DYNC1H1: variants seen among roughly 807,000 people sequenced by gnomAD.
DYNC1H1 encodes the protein cytoplasmic dynein 1 heavy chain 1.
Under a neutral mutation model 527.1 loss-of-function variants are expected in DYNC1H1, and 51 were observed. The ratio of observed to expected loss-of-function variants is 0.10; its 90% CI spans 0.08 to 0.12. DYNC1H1 has a LOEUF of 0.12. Among genes scored for constraint, DYNC1H1 ranks in the 10% least tolerant of loss-of-function variants. DYNC1H1 has a pLI of 1.00. For synonymous variants in DYNC1H1, 2,189 were observed against 2,278.8 expected (o/e 0.96, Z 1.12); for missense variants, 2,771 against 5,971.8 (o/e 0.46, Z 17.66).
Position 101,983,672 on chromosome 14 carries a change from GT to G in DYNC1H1, c.1461+73del, listed in dbSNP as rs368383689. 1.9e-3 allele frequency: 2,516 copies of G among 1,321,942 alleles called. No homozygotes were observed. The highest frequency in any genetic ancestry group is 2.2e-3 in the Admixed American group (99 of 45,028). 81.9% of individuals were successfully genotyped at this position (1,321,942 alleles called of 1,614,324 possible). ...GTTTTTGTTTTGTTTTTTGTTTGGT[GT>G]TTTTTTTTTGTTGTTGTTGTTGAGA... On this transcript the variant is annotated intron_variant, in intron 7 of 77. Transcript: ENST00000360184. This position sits in a 1 kb window ranked among gnomAD's most constrained non-coding sequence, Gnocchi z 5.3.
rs1048213824 is a variant in DYNC1H1, at chr14:102,043,818, G to C, written c.12514-57G>C. On this transcript the variant is annotated intron_variant, in intron 69 of 77. Transcript: ENST00000360184. ...CTTTGACTGACCTGGCATCTGCACT[G>C]TTCTTGGCGAAGTGCTGTTTTCTAA... 10 of 1,612,876 alleles carry C rather than the reference G, an allele frequency of 6.2e-6. No homozygotes were observed. In the African/African-American group the frequency reaches 8.0e-5, roughly 13 times the overall value.
Position 101,979,126 on chromosome 14 carries a change from G to A in DYNC1H1, c.345-193G>A, listed in dbSNP as rs2047834100. Among the ~76,000 whole-genome samples, 1 of 152,172 alleles carries A rather than the reference G, an allele frequency of 6.6e-6. No individual in the cohort carries two copies. The highest frequency in any genetic ancestry group is 1.5e-5 in the Non-Finnish European group (1 of 68,034). On this transcript the variant is annotated intron_variant, in intron 2 of 77. Transcript: ENST00000360184. This position sits in a 1 kb window ranked among gnomAD's most constrained non-coding sequence, Gnocchi z 4.6. ...CCCATGTATGAGACAAGTTAACTTT[G>A]CCTGGTTTCATGTTTGTTCACATTC...
intron 29 of DYNC1H1, 37 bp from the exon 30 acceptor site, chr14:102,009,806 A>G (rs1238886284): frequency 6.3e-7 from 1 of 1,596,766 alleles, no homozygotes; most frequent in Admixed American, 1.8e-5. Flanking sequence ...TTTTTTTTTT[A>G]ACATTTCTAG....
rs759795800 is a variant in DYNC1H1 at position 101,978,614 on chromosome 14, A to G, written c.345-705A>G. On this transcript the variant is annotated intron_variant, in intron 2 of 77. Coordinates refer to ENST00000360184, the MANE Select transcript of DYNC1H1 (RefSeq NM_001376.5). ...AGTAGGTATATAGAGTAGTACACAA[A>G]GAAATAAAACCTGCTTCCTGTTCCC... 2.0e-5 allele frequency among the ~76,000 whole-genome samples: 3 copies of G among 152,236 alleles called. No homozygotes were observed. In the East Asian group the frequency reaches 5.8e-4, roughly 29 times the overall value.
At chr14:101,970,750 TG>T (rs1388546109) in intron 1 of DYNC1H1, among the ~76,000 whole-genome samples, 1 of 152,154 alleles carries the variant, frequency 6.6e-6, no homozygotes, top group Non-Finnish European at 1.5e-5. Flanking sequence ...CCCAAAGTGC[TG>T]GGACTGCAGG....
chr14:102,034,181 A>G lies in DYNC1H1; in HGVS notation c.10619A>G (p.Asn3540Ser), dbSNP rs1366727912. 2.5e-6 allele frequency: 4 copies of G among 1,614,082 alleles called. No homozygotes were observed. The highest frequency in any genetic ancestry group is 1.3e-5 in the African/African-American group (1 of 74,942). ...TGGTCCCATCACCTACAGCAAGCCAACATCCAGGTGAGAATCACGGGGAGT... is the reference window on the plus strand; with the variant it reads ...TGGTCCCATCACCTACAGCAAGCCAGCATCCAGGTGAGAATCACGGGGAGT... ...TTWSHHLQQA[N>S]IQFRTDIART... The change falls in exon 55 of 78, where the codon AAC (asparagine) becomes AGC (serine). Residue 3540 changes from asparagine (N) to serine (S), a missense_variant. Asn to Ser is a conservative substitution (Grantham distance 46). Coordinates refer to ENST00000360184, the MANE Select transcript of DYNC1H1 (RefSeq NM_001376.5).
In DYNC1H1 at chr14:102,034,019, G is replaced by A. The variant is rs755588046; in HGVS notation, c.10457G>A (p.Arg3486His). ...CTTCTGAAGAGCTTGTCTGCTGAAC[G>A]TGAACGATGGGAAAAAACAAGTGAA... ...TALLKSLSAE[R>H]ERWEKTSETF... The change falls in exon 55 of 78, where the codon CGT becomes CAT. Residue 3486 changes from arginine (R) to histidine (H), a missense_variant. Around this residue, in one of 32 missense-constraint regions of DYNC1H1, gnomAD observed 283 missense variants for 737.6 expected, o/e 0.38. Transcript: ENST00000360184. 2.5e-6 allele frequency: 4 copies of A among 1,614,036 alleles called. No individual in the cohort carries two copies. The highest frequency in any genetic ancestry group is 2.5e-6 in the Non-Finnish European group (3 of 1,180,030).
At position 102,036,500 on chromosome 14, in the gene DYNC1H1, T is replaced by C; in HGVS notation, c.10766T>C (p.Ile3589Thr). ...MLKRFNRYPLIIDPSGQATEF... is the reference protein window; with the variant it reads ...MLKRFNRYPLTIDPSGQATEF... ...GGCCTCATCCTCAGGTATCCGCTGA[T>C]CATTGACCCCTCTGGACAGGCCACA... Residue 3589 changes from isoleucine to threonine, a missense_variant, in exon 57 of 78, where the codon ATC becomes ACC. Transcript: ENST00000360184. This position sits in a 1 kb window ranked among gnomAD's most constrained non-coding sequence, Gnocchi z 5.6. 6.2e-7 allele frequency: 1 copy of C among 1,613,890 alleles called. No individual in the cohort carries two copies. The highest frequency in any genetic ancestry group is 8.5e-7 in the Non-Finnish European group (1 of 1,179,970).
At chr14:101,982,994 A>T in intron 5 of DYNC1H1, 25 bp from the exon 6 acceptor site, 1 of 1,605,404 alleles carries the variant, frequency 6.2e-7, no homozygotes, top group Middle Eastern at 1.7e-4. Context: ...TGTGAAAACC[A>T]TTAACTCTTT....
In DYNC1H1 at chr14:102,044,075, T is replaced by C. The variant is rs1035181914; in HGVS notation, c.12684+30T>C. On this transcript the variant is annotated intron_variant, in intron 70 of 77. Transcript: ENST00000360184. This position sits in a 1 kb window ranked among gnomAD's most constrained non-coding sequence, Gnocchi z 7.1. Reference sequence around the variant, plus strand: ...GTGTGGGCCATGCCAGGACAGACAGTGGACGTGTATCTGGGAAGGATGCTG... The same window carrying C: ...GTGTGGGCCATGCCAGGACAGACAGCGGACGTGTATCTGGGAAGGATGCTG... The C allele has an allele frequency of 6.2e-7, 1 of 1,611,848 alleles. No individual in the cohort carries two copies. The highest frequency in any genetic ancestry group is 8.5e-7 in the Non-Finnish European group (1 of 1,179,882).
At chr14:102,024,843 C>T (rs771019118) in intron 43 of DYNC1H1, among the ~76,000 whole-genome samples, 2 of 151,380 alleles carry the variant, frequency 1.3e-5, no homozygotes, top group African/African-American at 4.8e-5. Context: ...TACAGGTGCC[C>T]GCCACCACGC....
In DYNC1H1 at chr14:102,016,603, A is replaced by T; in HGVS notation, c.7614+114A>T. ...GTCTTTTCATTTTATTCCATTTCAT[A>T]GAAGGACTTTATCCTTTTAGTTCCA... On this transcript the variant is annotated intron_variant, in intron 37 of 77. Coordinates refer to ENST00000360184, the MANE Select transcript of DYNC1H1 (RefSeq NM_001376.5). The surrounding 1 kb of genome is among the most constrained non-coding windows in gnomAD (Gnocchi z 7.3). 1 of 1,592,918 alleles carries T rather than the reference A, an allele frequency of 6.3e-7. No individual in the cohort carries two copies. The highest frequency in any genetic ancestry group is 8.6e-7 in the Non-Finnish European group (1 of 1,163,592).
Position 102,005,362 on chromosome 14 carries a change from G to C in DYNC1H1, c.5433+126G>C. The C allele has an allele frequency of 2.1e-5, 27 of 1,300,460 alleles. No individual in the cohort carries two copies. Among genetic ancestry groups the C allele is most frequent in the Non-Finnish European group, 2.9e-5 (26 of 908,864 alleles). 80.6% of individuals were successfully genotyped at this position (1,300,460 alleles called of 1,614,324 possible). On this transcript the variant is annotated intron_variant, in intron 26 of 77. Coordinates refer to ENST00000360184, the MANE Select transcript of DYNC1H1 (RefSeq NM_001376.5). This position sits in a 1 kb window ranked among gnomAD's most constrained non-coding sequence, Gnocchi z 4.0. ...CAAGGAGAACAGTGGATGGTGTATG[G>C]ATATCCTCTGAGGGTGGGCATTTGG... is the stretch of plus-strand genomic sequence containing the variant.
At position 102,005,149 on chromosome 14, in the gene DYNC1H1, G is replaced by A. The variant is rs111244988; in HGVS notation, c.5346G>A (p.Leu1782=). ...GGDAAPLHSV[L]SNVEVTLNVL... Reference sequence around the variant, plus strand: ...ATGCCGCGCCCTTGCACTCTGTGCTGAGCAATGTGGAGGTCACCCTCAATG... The same window carrying A: ...ATGCCGCGCCCTTGCACTCTGTGCTAAGCAATGTGGAGGTCACCCTCAATG... The change falls in exon 26 of 78, where the codon CTG becomes CTA. Residue 1782 remains leucine, a synonymous_variant. Coordinates refer to ENST00000360184, the MANE Select transcript of DYNC1H1 (RefSeq NM_001376.5). The surrounding 1 kb of genome is among the most constrained non-coding windows in gnomAD (Gnocchi z 4.0). 6.2e-7 allele frequency: 1 copy of A among 1,614,200 alleles called. No homozygotes were observed. The highest frequency in any genetic ancestry group is 8.5e-7 in the Non-Finnish European group (1 of 1,180,036).
Position 101,979,864 on chromosome 14 carries a change from G to C in DYNC1H1, c.664G>C (p.Glu222Gln), listed in dbSNP as rs1357929889. The stretch of plus-strand genomic sequence containing the variant: ...CACAAATGTTGCAAAACAGTGTTAT[G>C]AGCGTGGAGAAAAGCCAAAAGTTAC... ...MITNVAKQCY[E>Q]RGEKPKVTDF... The change falls in exon 4 of 78, where the codon GAG becomes CAG. Residue 222 changes from glutamate (E) to glutamine (Q), a missense_variant. By Grantham distance (29) the Glu-to-Gln change is conservative (BLOSUM62 2). Coordinates refer to ENST00000360184, the MANE Select transcript of DYNC1H1 (RefSeq NM_001376.5). The surrounding 1 kb of genome is among the most constrained non-coding windows in gnomAD (Gnocchi z 4.6). 6.2e-7 allele frequency: 1 copy of C among 1,614,080 alleles called. No homozygotes were observed.
chr14:101,991,785 C>A, intron 11 of DYNC1H1, 112 bp downstream of exon 11: 1 of 1,463,742 alleles, frequency 6.8e-7, no homozygotes, highest in Non-Finnish European at 9.4e-7. Context: ...TGTTTACAAA[C>A]TCCAGACATC....
rs111633259 is a variant in DYNC1H1, at chr14:102,033,586, G to T, written c.10413+102G>T. On this transcript the variant is annotated intron_variant, in intron 54 of 77. Coordinates refer to ENST00000360184, the MANE Select transcript of DYNC1H1 (RefSeq NM_001376.5). The surrounding 1 kb of genome is among the most constrained non-coding windows in gnomAD (Gnocchi z 5.6). ...GCACCATGCTGGCCTCGGTGAATTC[G>T]CTCTTTAACATCTGTAAGGCCCCGG... 48 of 1,465,812 alleles carry T rather than the reference G, an allele frequency of 3.3e-5. No homozygotes were observed. The highest frequency in any genetic ancestry group is 9.8e-5 in the African/African-American group (7 of 71,608). 90.8% of individuals were successfully genotyped at this position (1,465,812 alleles called of 1,614,324 possible).
At chr14:102,000,573 CTTTTTTT>C (rs11381677) in intron 18 of DYNC1H1, 174 bp downstream of exon 18, 6 of 420,142 alleles carry the variant, frequency 1.4e-5, no homozygotes, top group Non-Finnish European at 2.5e-5. Flanking sequence ...ATTTTGAAAC[CTTTTTTT>C]TTTTTTTTTT....
intron 16 of DYNC1H1, among the ~76,000 whole-genome samples, chr14:101,998,879 C>CTTTTTTTTTTTTTTTTTTTTTTTTTTT (rs888317854): frequency 8.7e-6 from 1 of 115,220 alleles, no homozygotes; most frequent in African/African-American, 3.8e-5. Flanking sequence ...AAAACTTTTT[C>CTTTTTTTTTTTTTTTTTTTTTTTTTTT]TTTTTTTTTT....
Sources: gnomAD v4.1 joint callset for allele counts (sites outside exome capture counted in the v4.1 genomes callset) on GRCh38, gnomAD v4.1.1 for gene constraint, gnomAD v4.1.1 regional missense constraint, Gnocchi (gnomAD v3.1) non-coding constraint, MANE v1.5 for transcripts, NCBI Gene and HGNC (gene_info 2026-07-23, HGNC 2026-07-21) for gene names.